SYTL2: variants seen among roughly 807,000 people sequenced by gnomAD.
SYTL2 encodes the protein synaptotagmin like 2.
In SYTL2, 165 loss-of-function variants were observed where a neutral mutation model predicts 198.7. That is an observed-to-expected ratio of 0.83 (90% confidence interval 0.73 to 0.94). The LOEUF (loss-of-function observed/expected upper bound fraction) is 0.94, where lower values mean the gene tolerates loss of function less well. Ranked by LOEUF, SYTL2 falls within the 40% of genes least tolerant of loss-of-function variation. The pLI is 0.00. For synonymous variants in SYTL2, 966 were observed against 917.7 expected (o/e 1.05, Z -0.95); for missense variants, 2,835 against 2,582.8 (o/e 1.10, Z -2.12).
chr11:85,699,757 C>G (rs2083970387), intron 17 of SYTL2, among the ~76,000 whole-genome samples: 1 of 152,156 alleles, frequency 6.6e-6, no homozygotes, highest in South Asian at 2.1e-4. Context: ...ACTTGGGGAA[C>G]TTGCTTGGGA....
chr11:85,853,567 G>A, the SYTL2 span: 1 of 168,586 alleles, frequency 5.9e-6, no homozygotes, highest in South Asian at 1.0e-4. Context: ...AGAGACCTTT[G>A]TTCACTTGTT....
chr11:85,755,571 A>C (rs2091814547), intron 2 of SYTL2, among the ~76,000 whole-genome samples: 1 of 152,180 alleles, frequency 6.6e-6, no homozygotes, highest in Non-Finnish European at 1.5e-5. Flanking sequence ...TTTTCGCTGA[A>C]GTTGTAGATT....
rs561928079 is a variant in SYTL2 at position 85,762,265 on chromosome 11, C to T, written c.-389-4151G>A. On this transcript the variant is annotated intron_variant, in intron 1 of 19. Coordinates refer to ENST00000359152, the MANE Select transcript of SYTL2 (RefSeq NM_206927.4). ...TGTGAGGGAAGAATTTTGGCTACTA[C>T]AGTGTCTTGCATTCTCACCAGAGCC... 1.3e-4 allele frequency among the ~76,000 whole-genome samples: 20 copies of T among 152,306 alleles called. No homozygotes were observed. The East Asian group carries it at 3.3e-3, about 25-fold the overall frequency.
intron 16 of SYTL2, among the ~76,000 whole-genome samples, chr11:85,701,222 G>A (rs914444752): frequency 1.3e-5 from 2 of 152,148 alleles, no homozygotes; most frequent in Non-Finnish European, 2.9e-5. Context: ...CGTAATATTT[G>A]CATATACGTA....
chr11:85,763,311 G>A (rs2092148935), intron 1 of SYTL2, among the ~76,000 whole-genome samples: 1 of 152,186 alleles, frequency 6.6e-6, no homozygotes, highest in African/African-American at 2.4e-5. Context: ...TTTTCCATGT[G>A]TCAGCCCTAC....
chr11:85,833,031 G>GA, the SYTL2 span, among the ~76,000 whole-genome samples: 170 of 17,924 alleles, frequency 9.5e-3, 17 homozygotes, highest in Middle Eastern at 0.029. Context: ...AAGAAAGAAA[G>GA]AAAGAAAGAA....
At position 85,757,613 on chromosome 11, in the gene SYTL2, C is replaced by G. The variant is rs772206225; in HGVS notation, c.101+12G>C. 18 of 1,613,126 alleles carry G rather than the reference C, an allele frequency of 1.1e-5. No individual in the cohort carries two copies. Among genetic ancestry groups the G allele is most frequent in the Non-Finnish European group, 1.4e-5 (17 of 1,179,566 alleles). ...TCCTTCCCTCATGCCCAAGGCTTCT[C>G]TGGCCTCTTACCTGACTCTCTCTTC... On this transcript the variant is annotated intron_variant, in intron 2 of 19. Coordinates refer to ENST00000359152, the MANE Select transcript of SYTL2 (RefSeq NM_206927.4).
chr11:85,840,045 G>A, the SYTL2 span, among the ~76,000 whole-genome samples: 1 of 152,090 alleles, frequency 6.6e-6, no homozygotes, highest in African/African-American at 2.4e-5. Flanking sequence ...CAATGATGTT[G>A]AGCACCTTTT....
chr11:85,741,825 T>G (rs1329349920), intron 4 of SYTL2, among the ~76,000 whole-genome samples: 1 of 152,182 alleles, frequency 6.6e-6, no homozygotes, highest in Non-Finnish European at 1.5e-5. Flanking sequence ...TTGGTTCCTA[T>G]TCAACAGACG....
the SYTL2 span, among the ~76,000 whole-genome samples, chr11:85,845,713 C>T: frequency 2.6e-5 from 4 of 152,162 alleles, no homozygotes; most frequent in South Asian, 8.3e-4. Flanking sequence ...TCGAGACCAT[C>T]CTGGCTAGCA....
In SYTL2 at chr11:85,734,125, C is replaced by T; in HGVS notation, c.1204G>A (p.Val402Ile). Residue 402 changes from valine to isoleucine, a missense_variant, in exon 7 of 20, where the codon GTA (valine) becomes ATA (isoleucine). This residue lies in a region of SYTL2 where 2,645 missense variants were observed against 2,381.7 expected (regional missense o/e 1.11). Transcript: ENST00000359152. ...GGCTGATGTGTTTCACTTTTTGATA[C>T]ATATGGGCTTGAGGTTGATTGATGA... ...LFHQSTSSPYVSKSETHQPMT... is the reference protein window; with the variant it reads ...LFHQSTSSPYISKSETHQPMT... 2 of 1,614,134 alleles carry T rather than the reference C, an allele frequency of 1.2e-6. No homozygotes were observed. The highest frequency in any genetic ancestry group is 1.7e-6 in the Non-Finnish European group (2 of 1,179,998).
At position 85,707,592 on chromosome 11, in the gene SYTL2, G is replaced by GT. The variant is rs2085404924; in HGVS notation, c.5916-62dup. 3 of 1,065,248 alleles carry GT rather than the reference G, an allele frequency of 2.8e-6. No individual in the cohort carries two copies. In the South Asian group the frequency reaches 4.0e-5, roughly 14 times the overall value. The allele number at this position is 1,065,248 out of a possible 1,614,324, so 66.0% of individuals were successfully genotyped here. On this transcript the variant is annotated intron_variant, in intron 14 of 19. Transcript: ENST00000359152. ...AATAAAAGTTATGTTTCCACCTCTAGTTTTTTAAATACATTGAAAACTGAC... is the reference window on the plus strand; with the variant it reads ...AATAAAAGTTATGTTTCCACCTCTAGTTTTTTTAAATACATTGAAAACTGAC...
chr11:85,734,814 C>A, intron 6 of SYTL2, 72 bp from the exon 7 acceptor site: 3 of 1,114,112 alleles, frequency 2.7e-6, no homozygotes, highest in Non-Finnish European at 3.8e-6. Context: ...CTGTCATAAA[C>A]TTAACCTACA....
chr11:85,788,472 A>G (rs187824787), intron 1 of SYTL2, among the ~76,000 whole-genome samples: 1 of 152,326 alleles, frequency 6.6e-6, no homozygotes, highest in African/African-American at 2.4e-5. Context: ...CCAATTGCTT[A>G]TAAATATGTT....
chr11:85,811,298 A>AGCCCCTGCCCTCTCCCCTTCC (rs1255961597), upstream of SYTL2: 27 of 114,012 alleles, frequency 2.4e-4, no homozygotes, highest in East Asian at 4.2e-3. Context: ...AGCGCCTGCC[A>AGCCCCTGCCCTCTCCCCTTCC]GCCCCTGCCC....
At chr11:85,766,813 A>G (rs1286763152) in intron 1 of SYTL2, among the ~76,000 whole-genome samples, 1 of 152,214 alleles carries the variant, frequency 6.6e-6, no homozygotes, top group Non-Finnish European at 1.5e-5. Flanking sequence ...AGAGGATTTA[A>G]TGTACTCTTG....
intron 1 of SYTL2, among the ~76,000 whole-genome samples, chr11:85,762,381 G>C (rs539771946): frequency 6.6e-6 from 1 of 152,240 alleles, no homozygotes; most frequent in South Asian, 2.1e-4. Context: ...GGAACTCCTG[G>C]GGCAAGTTCT....
At chr11:85,708,011 A>C in intron 14 of SYTL2, 1 of 336,006 alleles carries the variant, frequency 3.0e-6, no homozygotes, top group Non-Finnish European at 5.7e-6. Context: ...CAGAGCTACA[A>C]AGTTAGCTGG....
At chr11:85,829,487 A>C in the SYTL2 span, among the ~76,000 whole-genome samples, 5 of 152,156 alleles carry the variant, frequency 3.3e-5, no homozygotes, top group African/African-American at 1.2e-4. Flanking sequence ...TGTCTTTGCT[A>C]TTGTGAGTAC....
Sources: gnomAD v4.1 joint callset for allele counts (sites outside exome capture counted in the v4.1 genomes callset) on GRCh38, gnomAD v4.1.1 for gene constraint, gnomAD v4.1.1 regional missense constraint, MANE v1.5 for transcripts, NCBI Gene and HGNC (gene_info 2026-07-23, HGNC 2026-07-21) for gene names.